Variants in ESRRG observed in about 807,000 individuals in gnomAD.
ESRRG encodes the protein estrogen related receptor gamma.
ESRRG carries 13 observed loss-of-function variants against 44.0 expected under a neutral mutation model. That is an observed-to-expected ratio of 0.30 (90% CI 0.19 to 0.47). ESRRG has a LOEUF of 0.47. ESRRG is among the 20% of genes least tolerant of loss of function. The probability of loss-of-function intolerance (pLI) is 1.00; values close to 1 mark genes in which losing one functional copy is unlikely to be tolerated. For synonymous variants in ESRRG, 215 were observed against 214.6 expected (o/e 1.00, Z -0.02); for missense variants, 395 against 580.6 (o/e 0.68, Z 3.29).
intron 1 of ESRRG, among the ~76,000 whole-genome samples, chr1:217,096,621 T>C (rs1300991840): frequency 5.6e-5 from 6 of 107,552 alleles, no homozygotes; most frequent in African/African-American, 2.5e-4. Context: ...CCCAATCACA[T>C]GTTTAAAAAG....
intron 3 of ESRRG, among the ~76,000 whole-genome samples, chr1:216,592,808 C>T (rs2057892968): frequency 6.6e-6 from 1 of 152,136 alleles, no homozygotes; most frequent in Admixed American, 6.5e-5. Flanking sequence ...GCTGGTGTTA[C>T]CATCTTGTTA....
intron 2 of ESRRG, among the ~76,000 whole-genome samples, chr1:216,793,631 G>T (rs1485884757): frequency 6.6e-6 from 1 of 152,210 alleles, no homozygotes; most frequent in South Asian, 2.1e-4. Context: ...ACCCAATTAA[G>T]TTACTCCCAG....
intron 2 of ESRRG, among the ~76,000 whole-genome samples, chr1:216,782,221 T>G (rs1420898555): frequency 6.6e-6 from 1 of 152,086 alleles, no homozygotes; most frequent in Non-Finnish European, 1.5e-5. Context: ...GGCTGGTATA[T>G]CTGCCCTTTA....
At chr1:216,700,887 C>A (rs1324662108) in intron 1 of ESRRG, among the ~76,000 whole-genome samples, 1 of 152,160 alleles carries the variant, frequency 6.6e-6, no homozygotes, top group Non-Finnish European at 1.5e-5. Context: ...TTGCTTTCCC[C>A]CTTTGCTAAT....
At chr1:216,803,786 C>T (rs1010859911) in intron 2 of ESRRG, among the ~76,000 whole-genome samples, 3 of 152,000 alleles carry the variant, frequency 2.0e-5, no homozygotes, top group African/African-American at 4.8e-5. Flanking sequence ...ACTTGATTTT[C>T]TCTGATCCTT....
rs552053051 is a variant in ESRRG at position 217,071,168 on chromosome 1, G to A, written c.-106+18339C>T. Among the ~76,000 whole-genome samples the A allele has an allele frequency of 1.2e-4, 18 of 152,186 alleles. No individual in the cohort carries two copies. In the South Asian group the frequency reaches 3.7e-3, roughly 32 times the overall value. On this transcript the variant is annotated intron_variant, in intron 1 of 7. Coordinates refer to the ESRRG transcript ENST00000359162. The stretch of plus-strand genomic sequence containing the variant: ...GCAAAATTAAATTGCTTTTTATTGT[G>A]ATTGCCTTCCATGTTTCTGCTATGA...
intron 3 of ESRRG, among the ~76,000 whole-genome samples, chr1:216,596,222 C>T (rs1446984278): frequency 6.6e-6 from 1 of 152,216 alleles, no homozygotes; most frequent in East Asian, 1.9e-4. Context: ...GTAATAAAGA[C>T]TTCTGTCACT....
chr1:216,983,524 T>C, intron 1 of ESRRG, among the ~76,000 whole-genome samples: 1 of 152,190 alleles, frequency 6.6e-6, no homozygotes, highest in African/African-American at 2.4e-5. Context: ...GATGTACTGA[T>C]TTTTTTGGTG....
intron 1 of ESRRG, among the ~76,000 whole-genome samples, chr1:217,132,834 A>G (rs958571160): frequency 8.5e-5 from 13 of 152,136 alleles, no homozygotes; most frequent in African/African-American, 3.1e-4. Flanking sequence ...GCCATTTTCC[A>G]GAGTTGCTTG....
intron 1 of ESRRG, among the ~76,000 whole-genome samples, chr1:216,983,102 A>G (rs765071017): frequency 2.6e-5 from 4 of 150,994 alleles, no homozygotes; most frequent in Non-Finnish European, 5.9e-5. Context: ...ATGCTACTAC[A>G]TACCTGATGT....
chr1:216,579,986 G>A (rs1221552176), intron 3 of ESRRG, among the ~76,000 whole-genome samples: 3 of 152,118 alleles, frequency 2.0e-5, no homozygotes, highest in Non-Finnish European at 4.4e-5. Context: ...CATATATTCA[G>A]CTTAATTCCA....
intron 1 of ESRRG, among the ~76,000 whole-genome samples, chr1:216,965,574 A>C (rs1409334320): frequency 6.6e-6 from 1 of 152,100 alleles, no homozygotes; most frequent in East Asian, 1.9e-4. Context: ...TCTTCTAGGA[A>C]TTCCCTACTC....
intron 1 of ESRRG, among the ~76,000 whole-genome samples, chr1:216,952,711 T>G (rs2067182966): frequency 6.6e-6 from 1 of 152,136 alleles, no homozygotes; most frequent in Non-Finnish European, 1.5e-5. Flanking sequence ...AGAAAAGGGT[T>G]ATTTTTTCTT....
chr1:216,923,436 C>T (rs549919684), intron 2 of ESRRG, among the ~76,000 whole-genome samples: 2 of 152,034 alleles, frequency 1.3e-5, no homozygotes, highest in African/African-American at 4.8e-5. Context: ...GCAAGATTTA[C>T]CAAAAATCGG....
At chr1:216,716,944 A>G (rs955773797) in intron 1 of ESRRG, among the ~76,000 whole-genome samples, 3 of 151,880 alleles carry the variant, frequency 2.0e-5, no homozygotes, top group African/African-American at 7.2e-5. Context: ...AAGGAAGCCA[A>G]TTTCTTTAAA....
At chr1:216,886,988 T>A (rs2096526339) in intron 2 of ESRRG, among the ~76,000 whole-genome samples, 1 of 152,184 alleles carries the variant, frequency 6.6e-6, no homozygotes, top group Non-Finnish European at 1.5e-5. Context: ...TCCACCCGCC[T>A]CGGTCTCCCA....
intron 1 of ESRRG, among the ~76,000 whole-genome samples, chr1:217,067,150 A>G (rs1040971049): frequency 1.3e-5 from 2 of 152,218 alleles, no homozygotes; most frequent in African/African-American, 4.8e-5. Flanking sequence ...TATAGCCTTA[A>G]AAGCTTGGAA....
rs189686950 is a variant in ESRRG at position 216,735,287 on chromosome 1, C to T, written c.-13-57796G>A. ...GCAGTGATGAGATCATAGCTCACTG[C>T]ACCCTCAAACTCCTGTGCTCAAGTG... On this transcript the variant is annotated intron_variant, in intron 2 of 7. Transcript: ENST00000359162. Among the ~76,000 whole-genome samples, 21 of 151,986 alleles carry T rather than the reference C, an allele frequency of 1.4e-4. 1 individual carries two copies. In the East Asian group the frequency reaches 3.5e-3, roughly 25 times the overall value.
intron 1 of ESRRG, among the ~76,000 whole-genome samples, chr1:216,679,588 C>T (rs1323996329): frequency 1.3e-5 from 2 of 151,936 alleles, no homozygotes; most frequent in Non-Finnish European, 2.9e-5. Context: ...ACTCTTTCAC[C>T]ATCTGCCTAC....
Sources: gnomAD v4.1 joint callset for allele counts (sites outside exome capture counted in the v4.1 genomes callset) on GRCh38, gnomAD v4.1.1 for gene constraint, MANE v1.5 for transcripts, NCBI Gene and HGNC (gene_info 2026-07-23, HGNC 2026-07-21) for gene names.